The following COG6 variants were observed in gnomAD, a reference collection of about 807,000 sequenced individuals.
COG6 encodes conserved oligomeric Golgi complex subunit 6.
Under a neutral mutation model 88.8 loss-of-function variants are expected in COG6, and 74 were observed. That is an observed-to-expected ratio of 0.83 (90% CI 0.69 to 1.01). COG6 has a LOEUF of 1.01. COG6 is among the 50% of genes least tolerant of loss of function. The pLI is 0.00. For synonymous variants in COG6, 286 were observed against 278.7 expected (o/e 1.03, Z -0.26); for missense variants, 800 against 797.9 (o/e 1.00, Z -0.03).
rs372437208 is a variant in COG6 at position 39,679,487 on chromosome 13, A to C, written c.541-51A>C. ...GGTAGTGACCTTTCAGTTTTAAATA[A>C]TGCAATTTTGCCTGAAGCATGGACA... On this transcript the variant is annotated intron_variant, in intron 5 of 18. Coordinates refer to ENST00000455146, the MANE Select transcript of COG6 (RefSeq NM_020751.3). The C allele has an allele frequency of 6.2e-5, 63 of 1,009,012 alleles. No individual in the cohort carries two copies. The African/African-American group carries it at 6.8e-4, about 11-fold the overall frequency. The allele number at this position is 1,009,012 out of a possible 1,614,324, so 62.5% of individuals were successfully genotyped here. A position where few individuals can be genotyped will look rare whatever the true frequency, so the allele number is the denominator to read the frequency against.
At chr13:39,703,532 A>G (rs1341182492) in intron 13 of COG6, among the ~76,000 whole-genome samples, 2 of 152,186 alleles carry the variant, frequency 1.3e-5, no homozygotes, top group Middle Eastern at 3.2e-3. Flanking sequence ...ATTTGCCTGT[A>G]GTATTTTCTG....
chr13:39,724,676 A>G, intron 17 of COG6, 115 bp downstream of exon 17: 1 of 789,348 alleles, frequency 1.3e-6, no homozygotes, highest in Non-Finnish European at 2.2e-6. Context: ...GACATGCTGT[A>G]TTAACGTTGG....
Position 39,751,190 on chromosome 13 carries a change from C to T in COG6, c.*97C>T. 4 of 1,539,996 alleles carry T rather than the reference C, an allele frequency of 2.6e-6. No individual in the cohort carries two copies. The highest frequency in any genetic ancestry group is 3.5e-6 in the Non-Finnish European group (4 of 1,142,698). On this transcript the variant is annotated 3_prime_UTR_variant, in exon 19 of 19. Coordinates refer to ENST00000455146, the MANE Select transcript of COG6 (RefSeq NM_020751.3). ...TTTTTACTCTATAATTTGATAGTTA[C>T]AGTTTTCTTTGTATCATAAGATTGT...
At chr13:39,770,741 A>G (rs1458773059) in intron 18 of COG6, among the ~76,000 whole-genome samples, 1 of 152,250 alleles carries the variant, frequency 6.6e-6, no homozygotes, top group Non-Finnish European at 1.5e-5. Context: ...TTAAAGAGGA[A>G]TGGTGCAAGA....
intron 4 of COG6, among the ~76,000 whole-genome samples, chr13:39,666,249 T>A (rs1282890887): frequency 1.3e-5 from 2 of 152,070 alleles, no homozygotes; most frequent in East Asian, 3.9e-4. Flanking sequence ...GAAAATAGTT[T>A]GGGTAGCTGG....
intron 1 of COG6, chr13:39,656,682 T>G (rs1874530215): frequency 2.8e-6 from 1 of 359,968 alleles, no homozygotes; most frequent in Non-Finnish European, 5.4e-6. Flanking sequence ...GATAACAATT[T>G]GATTCCGATA....
At chr13:39,788,372 T>G (rs1396997188) in exon 19 of COG6, 18 of 1,551,428 alleles carry the variant, frequency 1.2e-5, no homozygotes, top group Non-Finnish European at 1.4e-5. Context: ...TTGTAACCAG[T>G]GCAGGACCTT....
chr13:39,770,709 C>T (rs756592758), intron 18 of COG6, among the ~76,000 whole-genome samples: 1 of 152,166 alleles, frequency 6.6e-6, no homozygotes, highest in African/African-American at 2.4e-5. Context: ...GAATACTGAA[C>T]AAAGTTCACT....
chr13:39,668,287 C>G (rs974396784), intron 4 of COG6, among the ~76,000 whole-genome samples: 38 of 151,936 alleles, frequency 2.5e-4, no homozygotes, highest in Admixed American at 1.3e-4. Context: ...TAACAATATC[C>G]CAGGTATTTT....
intron 13 of COG6, among the ~76,000 whole-genome samples, chr13:39,709,632 A>C (rs1421189315): frequency 6.6e-6 from 1 of 152,076 alleles, no homozygotes; most frequent in African/African-American, 2.4e-5. Context: ...TTCATGGCTG[A>C]ATAGTATTCC....
chr13:39,724,389 G>C, intron 16 of COG6, 119 bp from the exon 17 acceptor site: 1 of 717,852 alleles, frequency 1.4e-6, no homozygotes, highest in African/African-American at 1.8e-5. Flanking sequence ...TTGGAAATAA[G>C]CTAAATGATT....
intron 18 of COG6, among the ~76,000 whole-genome samples, chr13:39,764,115 TTG>T (rs1881099692): frequency 6.6e-6 from 1 of 151,802 alleles, no homozygotes; most frequent in African/African-American, 2.4e-5. Flanking sequence ...CTATTTCTTC[TTG>T]TGTCAGTTTT....
chr13:39,776,911 A>G (rs1881480238), intron 18 of COG6, among the ~76,000 whole-genome samples: 1 of 152,108 alleles, frequency 6.6e-6, no homozygotes, highest in Admixed American at 6.6e-5. Context: ...ATTGATTTCT[A>G]CGTGTCTTTT....
intron 18 of COG6, among the ~76,000 whole-genome samples, chr13:39,745,434 G>T (rs1330580659): frequency 6.6e-6 from 1 of 152,150 alleles, no homozygotes; most frequent in Non-Finnish European, 1.5e-5. Flanking sequence ...GATATGAACA[G>T]ATACTTCTCA....
At chr13:39,747,748 G>A (rs752155906) in intron 18 of COG6, among the ~76,000 whole-genome samples, 27 of 152,010 alleles carry the variant, frequency 1.8e-4, no homozygotes, top group Non-Finnish European at 3.4e-4. Flanking sequence ...ACAGACATTC[G>A]TGAGCTAATT....
chr13:39,790,060 C>A (rs982078578), exon 19 of COG6: 1 of 152,062 alleles, frequency 6.6e-6, no homozygotes, highest in African/African-American at 2.4e-5. Flanking sequence ...TATTGACTAA[C>A]CTTCACTTTG....
intron 4 of COG6, among the ~76,000 whole-genome samples, chr13:39,668,044 A>T (rs1228856461): frequency 2.0e-5 from 3 of 152,088 alleles, no homozygotes; most frequent in Non-Finnish European, 4.4e-5. Flanking sequence ...ATTTAGTCTT[A>T]TGTTAGGTGT....
At chr13:39,719,586 G>C (rs1878735893) in intron 14 of COG6, 74 bp from the exon 15 acceptor site, 3 of 1,410,798 alleles carry the variant, frequency 2.1e-6, no homozygotes, top group Admixed American at 1.7e-5. Context: ...AATTAGTTTG[G>C]CATTAAATAT....
At chr13:39,693,491 A>C (rs1351532515) in intron 11 of COG6, among the ~76,000 whole-genome samples, 1 of 152,002 alleles carries the variant, frequency 6.6e-6, no homozygotes, top group Non-Finnish European at 1.5e-5. Context: ...ATTATATTAA[A>C]ATTAAGAAAA....
Sources: gnomAD v4.1 joint callset for allele counts (sites outside exome capture counted in the v4.1 genomes callset) on GRCh38, gnomAD v4.1.1 for gene constraint, MANE v1.5 for transcripts, NCBI Gene and HGNC (gene_info 2026-07-23, HGNC 2026-07-21) for gene names.